The following SARAF variants were observed in gnomAD, a reference collection of about 807,000 sequenced individuals.
SARAF encodes the protein store-operated calcium entry-associated regulatory factor.
A neutral mutation model predicts 39.7 loss-of-function variants in SARAF; 23 were observed. That is an observed-to-expected ratio of 0.58 (90% confidence interval 0.42 to 0.82). The LOEUF (loss-of-function observed/expected upper bound fraction) is 0.82, where lower values mean the gene tolerates loss of function less well. SARAF is among the 40% of genes least tolerant of loss of function. The pLI is 0.00. For missense variants in SARAF, 384 were observed against 418.5 expected (o/e 0.92, Z 0.72); for synonymous variants, 175 against 168.5 (o/e 1.04, Z -0.30).
chr8:30,080,966 C>G (rs1393416323), intron 1 of SARAF, among the ~76,000 whole-genome samples: 1 of 152,082 alleles, frequency 6.6e-6, no homozygotes, highest in Non-Finnish European at 1.5e-5. Flanking sequence ...ATGGAGAAAC[C>G]CTGTCTCTAC....
At chr8:30,077,552 C>T (rs1220019681) in intron 1 of SARAF, among the ~76,000 whole-genome samples, 1 of 152,110 alleles carries the variant, frequency 6.6e-6, no homozygotes, top group Non-Finnish European at 1.5e-5. Flanking sequence ...GCCTGTAATC[C>T]TAGCACTTTG....
rs781161430 is a variant in SARAF at position 30,066,008 on chromosome 8, G to C, written c.974C>G (p.Thr325Arg). ...CTTACCTGATGCAGTTCTGGTTTTC[G>C]TGTCTGAGTTTGAACATACCGAATA... The part of the protein sequence containing the change: ...GSYSVCSNSD[T>R]KTRTASGYGG... Residue 325 changes from threonine (T) to arginine (R), a missense_variant, in exon 5 of 6, where the codon ACG (threonine) becomes AGG (arginine). Physicochemically the swap from Thr to Arg is moderately conservative, Grantham distance 71. Transcript: ENST00000256255. 6.2e-7 allele frequency: 1 copy of C among 1,613,908 alleles called. No individual in the cohort carries two copies. The highest frequency in any genetic ancestry group is 1.3e-5 in the African/African-American group (1 of 74,900).
Position 30,083,003 on chromosome 8 carries a change from G to T in SARAF, c.-54C>A. On this transcript the variant is annotated 5_prime_UTR_variant, in exon 1 of 6. Coordinates refer to ENST00000256255, the MANE Select transcript of SARAF (RefSeq NM_016127.6). ...CCAGACGCCTACGGGCCGAACCTGG[G>T]TGCGGTAGCGCGCGCGACGCTGCGC... is the stretch of plus-strand genomic sequence containing the variant. 7.3e-7 allele frequency: 1 copy of T among 1,367,242 alleles called. No individual in the cohort carries two copies. Among genetic ancestry groups the T allele is most frequent in the Non-Finnish European group, 9.9e-7 (1 of 1,007,186 alleles). 84.7% of individuals were successfully genotyped at this position (1,367,242 alleles called of 1,614,324 possible).
intron 1 of SARAF, among the ~76,000 whole-genome samples, chr8:30,076,796 T>A (rs547609111): frequency 2.6e-5 from 4 of 152,300 alleles, no homozygotes; most frequent in Admixed American, 1.3e-4. Context: ...CACCATGGGA[T>A]GACACAGCAA....
rs1801596969 is a variant in SARAF at position 30,063,161 on chromosome 8, T to C, written c.*727A>G. On this transcript the variant is annotated 3_prime_UTR_variant, in exon 6 of 6. Coordinates refer to ENST00000256255, the MANE Select transcript of SARAF (RefSeq NM_016127.6). ...CAGACTATTACAACAATATTTGAGA[T>C]TTCACAGAGAACTGCATGCTTTTGT... 1 of 152,226 alleles carries C rather than the reference T, an allele frequency of 6.6e-6. No individual in the cohort carries two copies. The highest frequency in any genetic ancestry group is 2.4e-5 in the African/African-American group (1 of 41,456). The allele number at this position is 152,226 out of a possible 1,614,324, so 9.4% of individuals were successfully genotyped here.
intron 3 of SARAF, among the ~76,000 whole-genome samples, chr8:30,068,726 T>G (rs181802059): frequency 6.6e-6 from 1 of 152,264 alleles, no homozygotes; most frequent in East Asian, 1.9e-4. Flanking sequence ...TGCTCAGATT[T>G]ACAGGAGTTC....
At chr8:30,082,404 G>C (rs574431104) in intron 1 of SARAF, 1 of 156,666 alleles carries the variant, frequency 6.4e-6, no homozygotes, top group Non-Finnish European at 1.4e-5. Context: ...AGCCCTGTCC[G>C]CTAAGGGTGA....
intron 1 of SARAF, among the ~76,000 whole-genome samples, chr8:30,078,634 C>T (rs1186025941): frequency 6.6e-6 from 1 of 152,122 alleles, no homozygotes; most frequent in Non-Finnish European, 1.5e-5. Context: ...ACAACATCTC[C>T]TATGATGTAT....
At chr8:30,075,968 A>G (rs905934328) in intron 1 of SARAF, among the ~76,000 whole-genome samples, 2 of 144,454 alleles carry the variant, frequency 1.4e-5, no homozygotes, top group African/African-American at 5.2e-5. Context: ...CCTGATGTAC[A>G]TAACAGAATC....
chr8:30,071,744 A>G (rs956321073), intron 2 of SARAF, among the ~76,000 whole-genome samples: 8 of 152,238 alleles, frequency 5.3e-5, no homozygotes, highest in African/African-American at 1.4e-4. Flanking sequence ...TTCACTTAGC[A>G]TAACATTTTC....
intron 5 of SARAF, among the ~76,000 whole-genome samples, chr8:30,064,443 T>C (rs1801625576): frequency 6.6e-6 from 1 of 151,184 alleles, no homozygotes; most frequent in African/African-American, 2.4e-5. Flanking sequence ...TTCATATAAT[T>C]CCCATACATT....
At chr8:30,071,350 C>CA (rs1282476610) in intron 2 of SARAF, among the ~76,000 whole-genome samples, 2 of 151,578 alleles carry the variant, frequency 1.3e-5, no homozygotes, top group Non-Finnish European at 2.9e-5. Flanking sequence ...GACTCCGTCT[C>CA]AAAAAAAATG....
At chr8:30,065,002 T>C (rs1057154875) in intron 5 of SARAF, among the ~76,000 whole-genome samples, 2 of 152,202 alleles carry the variant, frequency 1.3e-5, no homozygotes, top group African/African-American at 4.8e-5. Context: ...GCTATCATCA[T>C]AGTGTATATA....
chr8:30,064,578 T>TTTTTA (rs1801639697), intron 5 of SARAF, among the ~76,000 whole-genome samples: 2 of 132,346 alleles, frequency 1.5e-5, no homozygotes, highest in Non-Finnish European at 1.6e-5. Context: ...TTTTTTTTTT[T>TTTTTA]TGAGACAGAG....
At chr8:30,076,055 C>T (rs1801959011) in intron 1 of SARAF, among the ~76,000 whole-genome samples, 1 of 145,542 alleles carries the variant, frequency 6.9e-6, no homozygotes, top group African/African-American at 2.5e-5. Flanking sequence ...GGAATACACA[C>T]TACAGGGTGA....
intron 3 of SARAF, among the ~76,000 whole-genome samples, chr8:30,067,761 T>C (rs1054873322): frequency 2.2e-4 from 34 of 152,190 alleles, no homozygotes; most frequent in African/African-American, 8.2e-4. Flanking sequence ...ACAGTCCCAT[T>C]CTAATGTTTA....
At chr8:30,068,327 G>A (rs539278374) in intron 3 of SARAF, among the ~76,000 whole-genome samples, 3 of 152,226 alleles carry the variant, frequency 2.0e-5, no homozygotes, top group South Asian at 2.1e-4. Flanking sequence ...CTGCACATGC[G>A]AGGGATCTAG....
rs1801794227 is a variant in SARAF at position 30,069,901 on chromosome 8, C to T, written c.441G>A (p.Lys147=). ...DYTELGLQKL[K]ESGKQHGFAS... ...CAAAGCCGTGCTGCTTTCCAGACTC[C>T]TTCAGTTTCTGCAGGCCAAGTTCTG... Residue 147 remains lysine (K), a synonymous_variant, in exon 3 of 6, where the codon AAG becomes AAA. Transcript: ENST00000256255. 1.9e-6 allele frequency: 3 copies of T among 1,614,152 alleles called. No individual in the cohort carries two copies. The highest frequency in any genetic ancestry group is 1.7e-5 in the Admixed American group (1 of 60,024).
At chr8:30,068,172 C>T (rs971448054) in intron 3 of SARAF, among the ~76,000 whole-genome samples, 8 of 152,162 alleles carry the variant, frequency 5.3e-5, no homozygotes, top group Admixed American at 3.9e-4. Flanking sequence ...AGCCACACAG[C>T]AGGAGGTGAA....
Sources: allele counts gnomAD v4.1 joint callset (sites outside exome capture counted in the v4.1 genomes callset), GRCh38; gene constraint gnomAD v4.1.1; transcripts MANE v1.5; gene names NCBI Gene and HGNC (gene_info 2026-07-23, HGNC 2026-07-21).